MYLIP: variants seen among roughly 807,000 people sequenced by gnomAD.
The protein encoded by MYLIP is myosin regulatory light chain interacting protein.
In MYLIP, 26 loss-of-function variants were observed where a neutral mutation model predicts 45.8. The observed-to-expected ratio is 0.57, with a 90% CI of 0.42 to 0.79. MYLIP has a LOEUF of 0.79. MYLIP is among the 30% of genes least tolerant of loss of function. MYLIP has a pLI of 0.00. For missense variants in MYLIP, 494 were observed against 555.6 expected (o/e 0.89, Z 1.11); for synonymous variants, 213 against 218.1 (o/e 0.98, Z 0.21).
At chr6:16,135,772 T>A (rs1057108969) in intron 2 of MYLIP, among the ~76,000 whole-genome samples, 4 of 146,828 alleles carry the variant, frequency 2.7e-5, no homozygotes, top group South Asian at 2.1e-4. Flanking sequence ...TATATATATA[T>A]ATATATGTAT....
chr6:16,130,557 G>T lies in MYLIP; in HGVS notation c.88G>T (p.Val30Leu). 1 of 1,613,010 alleles carries T rather than the reference G, an allele frequency of 6.2e-7. No homozygotes were observed. The highest frequency in any genetic ancestry group is 8.5e-7 in the Non-Finnish European group (1 of 1,179,574). Reference protein sequence around the residue: ...KANGEDCLNQVCRRLGIIEVD... With the variant: ...KANGEDCLNQLCRRLGIIEVD... Reference sequence around the variant, plus strand: ...CAGGCTGCATTCCTTTTTGTTTTAGGTGTGCAGGCGACTGGGAATCATAGA... The same window carrying T: ...CAGGCTGCATTCCTTTTTGTTTTAGTTGTGCAGGCGACTGGGAATCATAGA... The change falls in exon 2 of 7, where the codon GTG becomes TTG. Residue 30 changes from valine (V) to leucine (L), a missense_variant and splice_region_variant. Coordinates refer to ENST00000356840, the MANE Select transcript of MYLIP (RefSeq NM_013262.4).
rs34444721 is a variant in MYLIP, at chr6:16,141,594, A to G, written c.279-31A>G. The G allele has an allele frequency of 5.2e-4, 820 of 1,579,090 alleles. 2 individuals are homozygous for G. Among genetic ancestry groups the G allele is most frequent in the Admixed American group, 1.1e-3 (62 of 58,838 alleles). On this transcript the variant is annotated intron_variant, in intron 2 of 6. Transcript: ENST00000356840. ...TGAGATTGATGTCAGGTTATCCCCA[A>G]GCATAACCTCACTCTCACCTTGCTT... is the stretch of plus-strand genomic sequence containing the variant.
intron 2 of MYLIP, among the ~76,000 whole-genome samples, chr6:16,139,811 G>A (rs1759629371): frequency 6.6e-6 from 1 of 152,050 alleles, no homozygotes; most frequent in Non-Finnish European, 1.5e-5. Flanking sequence ...TCTTCTTTGA[G>A]GCTATTACAC....
intron 6 of MYLIP, among the ~76,000 whole-genome samples, chr6:16,145,827 A>G (rs576263945): frequency 6.6e-6 from 1 of 152,340 alleles, no homozygotes; most frequent in South Asian, 2.1e-4. Context: ...GCTGTTATTT[A>G]TTAGCAAGTC....
the MYLIP span, among the ~76,000 whole-genome samples, chr6:16,158,856 C>G: frequency 1.3e-5 from 2 of 152,124 alleles, no homozygotes; most frequent in African/African-American, 4.8e-5. Context: ...GGCGGCAGAG[C>G]AAGACTCCGT....
intron 6 of MYLIP, 25 bp downstream of exon 6, chr6:16,145,342 T>G: frequency 1.3e-6 from 2 of 1,552,978 alleles, no homozygotes; most frequent in Non-Finnish European, 1.7e-6. Context: ...TGCCCACTTT[T>G]GCCTGCAGCC....
intron 5 of MYLIP, among the ~76,000 whole-genome samples, chr6:16,144,548 G>T (rs1759743787): frequency 6.6e-6 from 1 of 152,114 alleles, no homozygotes; most frequent in South Asian, 2.1e-4. Context: ...TGTGAAACAG[G>T]ATGGGAAATT....
chr6:16,149,845 G>A (rs546132402), downstream of MYLIP, among the ~76,000 whole-genome samples: 1 of 152,190 alleles, frequency 6.6e-6, no homozygotes, highest in Non-Finnish European at 1.5e-5. Flanking sequence ...TGAAAATCCT[G>A]TTTCTGACTT....
intron 4 of MYLIP, 88 bp from the exon 5 acceptor site, chr6:16,143,611 A>C (rs975465422): frequency 1.4e-6 from 2 of 1,410,284 alleles, no homozygotes; most frequent in East Asian, 2.3e-5. Context: ...CTGCTAGGTC[A>C]TGAGCAAATG....
At position 16,146,940 on chromosome 6, in the gene MYLIP, C is replaced by T. The variant is rs562970331; in HGVS notation, c.*189C>T. 7 of 491,464 alleles carry T rather than the reference C, an allele frequency of 1.4e-5. No homozygotes were observed. Among genetic ancestry groups the T allele is most frequent in the African/African-American group, 9.7e-5 (5 of 51,768 alleles). The allele number at this position is 491,464 out of a possible 1,614,324, so 30.4% of individuals were successfully genotyped here. ...AAAACATATCCATGCGTAGAATCAA[C>T]AACTCCAGTCATGGGACCAGGAGGA... On this transcript the variant is annotated 3_prime_UTR_variant, in exon 7 of 7. Coordinates refer to ENST00000356840, the MANE Select transcript of MYLIP (RefSeq NM_013262.4).
At chr6:16,135,765 A>C (rs939656761) in intron 2 of MYLIP, among the ~76,000 whole-genome samples, 86 of 146,006 alleles carry the variant, frequency 5.9e-4, no homozygotes, top group East Asian at 2.9e-3. Flanking sequence ...CTATATATAT[A>C]TATATATATA....
At chr6:16,135,209 G>A (rs1184498919) in intron 2 of MYLIP, among the ~76,000 whole-genome samples, 1 of 152,224 alleles carries the variant, frequency 6.6e-6, no homozygotes, top group Non-Finnish European at 1.5e-5. Flanking sequence ...CTCCTTGGCT[G>A]ATCTATATTG....
intron 2 of MYLIP, among the ~76,000 whole-genome samples, chr6:16,132,356 C>A (rs1759474539): frequency 6.6e-6 from 1 of 152,130 alleles, no homozygotes; most frequent in African/African-American, 2.4e-5. Flanking sequence ...GAAATAGAGA[C>A]ATTTTATGAA....
At chr6:16,140,608 T>C (rs1310715362) in intron 2 of MYLIP, among the ~76,000 whole-genome samples, 9 of 152,136 alleles carry the variant, frequency 5.9e-5, no homozygotes, top group Admixed American at 5.9e-4. Context: ...ACAGAAAGAA[T>C]GGCCCTCAGG....
In MYLIP at chr6:16,129,653, A is replaced by G. The variant is rs911531354; in HGVS notation, c.87+244A>G. Among the ~76,000 whole-genome samples the G allele has an allele frequency of 6.6e-6, 1 of 152,164 alleles. No individual in the cohort carries two copies. Among genetic ancestry groups the G allele is most frequent in the Non-Finnish European group, 1.5e-5 (1 of 68,000 alleles). On this transcript the variant is annotated intron_variant, in intron 1 of 6. Coordinates refer to ENST00000356840, the MANE Select transcript of MYLIP (RefSeq NM_013262.4). This position sits in a 1 kb window ranked among gnomAD's most constrained non-coding sequence, Gnocchi z 5.1. ...GCGCTGAGGGCCGGGCGCAGCCCGC[A>G]GCCGGGATCCACCCCCCAGCGCCCC...
At chr6:16,152,213 T>A (rs1759887005), downstream of MYLIP, among the ~76,000 whole-genome samples, 1 of 152,256 alleles carries the variant, frequency 6.6e-6, no homozygotes, top group Non-Finnish European at 1.5e-5. Flanking sequence ...AAATTTCAGC[T>A]TTGCTTTGAT....
chr6:16,130,502 GTTTGCTTTGATACGTACCATTTGC>G, intron 1 of MYLIP, 31 bp from the exon 2 acceptor site: 1 of 1,549,514 alleles, frequency 6.5e-7, no homozygotes, highest in Non-Finnish European at 8.8e-7. Context: ...GAGCCGTTGG[GTTTGCTTTGATACGTACCATTTGC>G]TCATCCAGGC....
At chr6:16,136,292 A>G (rs1333714046) in intron 2 of MYLIP, among the ~76,000 whole-genome samples, 1 of 149,960 alleles carries the variant, frequency 6.7e-6, no homozygotes, top group African/African-American at 2.5e-5. Context: ...TCTACCAGAG[A>G]TGAGCTATGC....
At chr6:16,161,424 C>T in the MYLIP span, 1 of 171,490 alleles carries the variant, frequency 5.8e-6, no homozygotes, top group Non-Finnish European at 1.3e-5. Flanking sequence ...TACTTACATA[C>T]ATCACCTCAA....
Sources: gnomAD v4.1 joint callset for allele counts (sites outside exome capture counted in the v4.1 genomes callset) on GRCh38, gnomAD v4.1.1 for gene constraint, Gnocchi (gnomAD v3.1) non-coding constraint, MANE v1.5 for transcripts, NCBI Gene and HGNC (gene_info 2026-07-23, HGNC 2026-07-21) for gene names.